Variants in GAB2 observed in about 807,000 individuals in gnomAD.
GAB2 encodes GRB2 associated binding protein 2.
GAB2 carries 26 observed loss-of-function variants against 65.5 expected under a neutral mutation model. That is an observed-to-expected ratio of 0.40 (90% CI 0.29 to 0.55). The LOEUF (loss-of-function observed/expected upper bound fraction) is 0.55. Ranked by LOEUF, GAB2 falls within the 20% of genes least tolerant of loss-of-function variation. The pLI, the probability that GAB2 is intolerant of heterozygous loss-of-function variation, is 0.53. For synonymous variants in GAB2, 321 were observed against 329.6 expected (o/e 0.97, Z 0.28); for missense variants, 884 against 875.8 (o/e 1.01, Z -0.12).
intron 2 of GAB2, among the ~76,000 whole-genome samples, chr11:78,257,668 G>C (rs1397223070): frequency 1.3e-5 from 2 of 152,092 alleles, no homozygotes; most frequent in Admixed American, 6.5e-5. Context: ...TCACTGTTTT[G>C]GTCACAATTA....
intron 1 of GAB2, among the ~76,000 whole-genome samples, chr11:78,345,374 A>G (rs1234352437): frequency 6.6e-6 from 1 of 152,222 alleles, no homozygotes; most frequent in African/African-American, 2.4e-5. Flanking sequence ...GAGTTATATA[A>G]TCACCTGGCT....
rs1171003026 is a variant in GAB2 at position 78,289,535 on chromosome 11, G to A, written c.76-8634C>T. Reference sequence around the variant, plus strand: ...ATGCTTTGACAGATAAAGAGGCAAGGCCCAAAAATACTCCTTTGAAGTAAC... The same window carrying A: ...ATGCTTTGACAGATAAAGAGGCAAGACCCAAAAATACTCCTTTGAAGTAAC... On this transcript the variant is annotated intron_variant, in intron 1 of 9. Transcript: ENST00000361507. 2.6e-5 allele frequency among the ~76,000 whole-genome samples: 4 copies of A among 152,240 alleles called. No individual in the cohort carries two copies. In the East Asian group the frequency reaches 7.7e-4, roughly 29 times the overall value.
intron 1 of GAB2, among the ~76,000 whole-genome samples, chr11:78,402,741 G>A (rs1251786292): frequency 6.6e-6 from 1 of 152,110 alleles, no homozygotes; most frequent in Non-Finnish European, 1.5e-5. Context: ...ATGAGCCACT[G>A]CGCCCGGCCA....
chr11:78,311,372 C>G (rs1311743064), intron 1 of GAB2, among the ~76,000 whole-genome samples: 5 of 151,646 alleles, frequency 3.3e-5, no homozygotes, highest in Non-Finnish European at 7.4e-5. Flanking sequence ...CAGGTTGTTA[C>G]AAGAATCAAG....
At position 78,317,449 on chromosome 11, in the gene GAB2, A is replaced by T. The variant is rs535921389; in HGVS notation, c.76-36548T>A. Among the ~76,000 whole-genome samples, 332 of 149,948 alleles carry T rather than the reference A, an allele frequency of 2.2e-3. 1 individual carries two copies. The highest frequency in any genetic ancestry group is 6.3e-3 in the Admixed American group (93 of 14,674). On this transcript the variant is annotated intron_variant, in intron 1 of 9. Coordinates refer to ENST00000361507, the MANE Select transcript of GAB2 (RefSeq NM_080491.3). ...GTGGCGGGCAGCTGTAGTCCCAGCC[A>T]CTCGGGAGGCTGAATCGGGATAATC...
intron 1 of GAB2, among the ~76,000 whole-genome samples, chr11:78,362,539 C>G (rs368341765): frequency 6.6e-6 from 1 of 151,990 alleles, no homozygotes; most frequent in Non-Finnish European, 1.5e-5. Flanking sequence ...CAACACTACA[C>G]GGTTGCAACA....
intron 1 of GAB2, among the ~76,000 whole-genome samples, chr11:78,385,931 T>C (rs4945273): frequency 0.16 from 24,330 of 152,174 alleles, 2,598 homozygotes; most frequent in East Asian, 0.41. Flanking sequence ...ACATAATTAG[T>C]ATTTTATTAA....
intron 3 of GAB2, among the ~76,000 whole-genome samples, chr11:78,234,807 C>A (rs1864940632): frequency 1.3e-5 from 2 of 151,784 alleles, no homozygotes; most frequent in African/African-American, 4.8e-5. Context: ...TTAAAAATTT[C>A]TTTGGTTGCT....
intron 1 of GAB2, among the ~76,000 whole-genome samples, chr11:78,385,942 TA>T (rs1269371314): frequency 2.0e-5 from 3 of 150,506 alleles, no homozygotes; most frequent in Admixed American, 2.0e-4. Context: ...ATTTTATTAA[TA>T]AAAAAATGAA....
chr11:78,307,979 A>G (rs1855407068), intron 1 of GAB2, among the ~76,000 whole-genome samples: 1 of 152,094 alleles, frequency 6.6e-6, no homozygotes, highest in African/African-American at 2.4e-5. Context: ...ATTTGTTGAG[A>G]GCCTGGAAGA....
chr11:78,393,373 C>T (rs1209524130), intron 1 of GAB2, among the ~76,000 whole-genome samples: 2 of 152,134 alleles, frequency 1.3e-5, no homozygotes, highest in Non-Finnish European at 2.9e-5. Flanking sequence ...AAGCACCTTG[C>T]ATTTGAACAA....
chr11:78,233,921 T>C (rs144046852), intron 3 of GAB2, among the ~76,000 whole-genome samples: 1 of 152,290 alleles, frequency 6.6e-6, no homozygotes, highest in African/African-American at 2.4e-5. Flanking sequence ...CATTTTCTTT[T>C]CTTAAAGAGG....
intron 1 of GAB2, among the ~76,000 whole-genome samples, chr11:78,323,482 C>T (rs1855764339): frequency 6.6e-6 from 1 of 152,028 alleles, no homozygotes; most frequent in South Asian, 2.1e-4. Context: ...TGCACTCCAG[C>T]CTGGGCAACA....
At chr11:78,321,152 T>C (rs1412218809) in intron 1 of GAB2, among the ~76,000 whole-genome samples, 1 of 152,054 alleles carries the variant, frequency 6.6e-6, no homozygotes, top group Non-Finnish European at 1.5e-5. Flanking sequence ...CATCAGCATA[T>C]AGGAAAGGTA....
At chr11:78,352,822 C>T (rs911594012) in intron 1 of GAB2, among the ~76,000 whole-genome samples, 1 of 152,176 alleles carries the variant, frequency 6.6e-6, no homozygotes, top group Non-Finnish European at 1.5e-5. Context: ...TCTTACTTTG[C>T]TAAATGAATA....
intron 1 of GAB2, among the ~76,000 whole-genome samples, chr11:78,316,523 A>G (rs1461573672): frequency 6.6e-6 from 1 of 152,200 alleles, no homozygotes; most frequent in African/African-American, 2.4e-5. Context: ...ATACAAAATG[A>G]CCAAGAAGCA....
intron 1 of GAB2, among the ~76,000 whole-genome samples, chr11:78,294,043 C>A (rs11237443): frequency 0.21 from 31,668 of 151,802 alleles, 3,542 homozygotes; most frequent in East Asian, 0.4. Context: ...CATTAGGTAT[C>A]TCTCCTAATG....
chr11:78,236,395 C>T (rs1395536058), intron 3 of GAB2, among the ~76,000 whole-genome samples: 2 of 152,182 alleles, frequency 1.3e-5, no homozygotes, highest in Non-Finnish European at 2.9e-5. Flanking sequence ...CAGGTATCCA[C>T]CTGCCTCAGC....
chr11:78,216,477 G>T lies in GAB2; in HGVS notation c.*2795C>A, dbSNP rs183285595. 6.6e-6 allele frequency: 1 copy of T among 152,298 alleles called. No individual in the cohort carries two copies. The highest frequency in any genetic ancestry group is 2.4e-5 in the African/African-American group (1 of 41,544). The allele number at this position is 152,298 out of a possible 1,614,324, so 9.4% of individuals were successfully genotyped here. On this transcript the variant is annotated 3_prime_UTR_variant, in exon 10 of 10. Coordinates refer to ENST00000361507, the MANE Select transcript of GAB2 (RefSeq NM_080491.3). The stretch of plus-strand genomic sequence containing the variant: ...ATATGCTAGATACGGCTGGTAGTTT[G>T]GGGCCTGTGAGCCAGAGCTTTGCTT...
Sources: allele counts gnomAD v4.1 joint callset (sites outside exome capture counted in the v4.1 genomes callset), GRCh38; gene constraint gnomAD v4.1.1; transcripts MANE v1.5; gene names NCBI Gene and HGNC (gene_info 2026-07-23, HGNC 2026-07-21).